OSBPL1A: variants seen among roughly 807,000 people sequenced by gnomAD.
The protein encoded by OSBPL1A is oxysterol binding protein like 1A, also known as oxysterol-binding protein-related protein 1.
Under a neutral mutation model 137.1 loss-of-function variants are expected in OSBPL1A, and 80 were observed. The observed-to-expected ratio is 0.58, with a 90% CI of 0.49 to 0.70. OSBPL1A has a LOEUF of 0.70. Among genes scored for constraint, OSBPL1A ranks in the 30% least tolerant of loss-of-function variants. The probability of loss-of-function intolerance (pLI) is 0.00; values close to 1 mark genes in which losing one functional copy is unlikely to be tolerated. For missense variants in OSBPL1A, 970 were observed against 1,129.4 expected, an observed-to-expected ratio of 0.86 and a Z score of 2.02; for synonymous variants, 365 against 389.7, an observed-to-expected ratio of 0.94 and a Z score of 0.75.
intron 4 of OSBPL1A, among the ~76,000 whole-genome samples, chr18:24,365,276 T>C (rs1352386098): frequency 6.6e-6 from 1 of 152,134 alleles, no homozygotes; most frequent in Admixed American, 6.6e-5. Context: ...CAAAAGTTTG[T>C]ATGATACTGT....
intron 7 of OSBPL1A, among the ~76,000 whole-genome samples, chr18:24,331,888 C>T (rs1475984662): frequency 6.6e-6 from 1 of 152,162 alleles, no homozygotes; most frequent in Non-Finnish European, 1.5e-5. Context: ...CAGTCATTCA[C>T]AAACATGCCC....
intron 15 of OSBPL1A, among the ~76,000 whole-genome samples, chr18:24,250,170 G>GTTT (rs1567975444): frequency 2.0e-5 from 1 of 51,144 alleles, no homozygotes; most frequent in Admixed American, 3.1e-4. Context: ...TTGTTTGTTT[G>GTTT]TTTGTTTGTT....
intron 14 of OSBPL1A, among the ~76,000 whole-genome samples, chr18:24,288,488 C>G (rs2090111212): frequency 6.6e-6 from 1 of 152,156 alleles, no homozygotes; most frequent in Non-Finnish European, 1.5e-5. Flanking sequence ...GGAGGCAGGA[C>G]TGGGTGCAGT....
At chr18:24,247,383 G>A (rs1244745522) in intron 15 of OSBPL1A, among the ~76,000 whole-genome samples, 1 of 152,240 alleles carries the variant, frequency 6.6e-6, no homozygotes, top group African/African-American at 2.4e-5. Context: ...GTGTTGTGAG[G>A]ATGCTGGAGG....
chr18:24,293,653 G>A (rs112904927), intron 14 of OSBPL1A, among the ~76,000 whole-genome samples: 302 of 152,318 alleles, frequency 2.0e-3, no homozygotes, highest in African/African-American at 7.0e-3. Context: ...AACAGCACAC[G>A]AAAGGCCACT....
chr18:24,311,301 A>G (rs888291718), intron 13 of OSBPL1A, among the ~76,000 whole-genome samples: 4 of 152,212 alleles, frequency 2.6e-5, no homozygotes, highest in Non-Finnish European at 5.9e-5. Context: ...AAATTCATAT[A>G]TCCTGACGTA....
intron 14 of OSBPL1A, among the ~76,000 whole-genome samples, chr18:24,291,748 A>C (rs1050267835): frequency 1.4e-5 from 2 of 141,264 alleles, no homozygotes; most frequent in African/African-American, 5.5e-5. Flanking sequence ...TTGCAGTAAC[A>C]AAAGGGGACT....
intron 14 of OSBPL1A, among the ~76,000 whole-genome samples, chr18:24,299,951 T>G (rs753304244): frequency 5.9e-5 from 9 of 152,154 alleles, no homozygotes; most frequent in Non-Finnish European, 1.3e-4. Context: ...CACAATATAT[T>G]TATACTAGAC....
chr18:24,286,811 G>A (rs576451014), intron 14 of OSBPL1A, among the ~76,000 whole-genome samples: 1 of 152,194 alleles, frequency 6.6e-6, no homozygotes, highest in African/African-American at 2.4e-5. Flanking sequence ...GTTTTCATCT[G>A]CCAGTTATGG....
At chr18:24,263,518 C>T (rs149090824) in intron 15 of OSBPL1A, among the ~76,000 whole-genome samples, 9 of 152,262 alleles carry the variant, frequency 5.9e-5, no homozygotes, top group African/African-American at 2.2e-4. Context: ...CAAAACACTG[C>T]GATTGCAATA....
intron 16 of OSBPL1A, among the ~76,000 whole-genome samples, chr18:24,230,698 AT>A: frequency 6.6e-6 from 1 of 152,202 alleles, no homozygotes; most frequent in East Asian, 1.9e-4. Flanking sequence ...TTTCTCCTTA[AT>A]AAACATATAC....
chr18:24,213,710 T>C (rs940889030), intron 17 of OSBPL1A, among the ~76,000 whole-genome samples: 3 of 152,228 alleles, frequency 2.0e-5, no homozygotes, highest in Non-Finnish European at 2.9e-5. Flanking sequence ...ACTTAACAAA[T>C]CTGGCTCTAC....
intron 1 of OSBPL1A, among the ~76,000 whole-genome samples, chr18:24,379,104 T>A (rs1906400497): frequency 6.6e-6 from 1 of 151,390 alleles, no homozygotes. Flanking sequence ...TAAAAAAAAA[T>A]AAAGCTTGAG....
intron 1 of OSBPL1A, among the ~76,000 whole-genome samples, chr18:24,390,302 T>TG (rs1907237972): frequency 6.6e-6 from 1 of 152,246 alleles, no homozygotes; most frequent in Admixed American, 6.5e-5. Flanking sequence ...CAAACAGATA[T>TG]TTGTATTCCC....
At chr18:24,175,117 TATATATATATATATATATACAC>T (rs371300452) in intron 21 of OSBPL1A, among the ~76,000 whole-genome samples, 1,201 of 35,632 alleles carry the variant, frequency 0.034, 15 homozygotes, top group South Asian at 0.1. Flanking sequence ...TGTATATATA[TATATATATATATATATATACAC>T]ATATATATAT....
intron 15 of OSBPL1A, among the ~76,000 whole-genome samples, chr18:24,242,152 G>A (rs775914637): frequency 5.3e-5 from 8 of 151,816 alleles, no homozygotes; most frequent in Non-Finnish European, 7.4e-5. Flanking sequence ...GAGAGGGAGA[G>A]CATTAGGAGA....
intron 9 of OSBPL1A, among the ~76,000 whole-genome samples, 153 bp downstream of exon 9, chr18:24,318,448 A>C (rs1452173064): frequency 6.6e-6 from 1 of 152,026 alleles, no homozygotes; most frequent in Non-Finnish European, 1.5e-5. Context: ...ATAACTAAAA[A>C]TAAAAAAAAA....
intron 18 of OSBPL1A, among the ~76,000 whole-genome samples, chr18:24,184,333 T>G (rs536831373): frequency 6.6e-6 from 1 of 152,332 alleles, no homozygotes; most frequent in Non-Finnish European, 1.5e-5. Context: ...TTATTCCCAA[T>G]TTGTTCCTTC....
chr18:24,277,614 A>T (rs1192418508), intron 15 of OSBPL1A, among the ~76,000 whole-genome samples: 1 of 152,246 alleles, frequency 6.6e-6, no homozygotes, highest in Non-Finnish European at 1.5e-5. Context: ...AGGTCTTCAA[A>T]GCTTTATGCC....
Sources: gnomAD v4.1 joint callset for allele counts (sites outside exome capture counted in the v4.1 genomes callset) on GRCh38, gnomAD v4.1.1 for gene constraint, MANE v1.5 for transcripts, NCBI Gene and HGNC (gene_info 2026-07-23, HGNC 2026-07-21) for gene names.